LEPR: variants seen among roughly 807,000 people sequenced by gnomAD.
LEPR encodes the protein OB receptor.
In LEPR, 56 loss-of-function variants were observed where a neutral mutation model predicts 114.7. The observed-to-expected ratio is 0.49, with a 90% CI of 0.39 to 0.61. The LOEUF (loss-of-function observed/expected upper bound fraction) is 0.61, where lower values mean the gene tolerates loss of function less well. Ranked by LOEUF, LEPR falls within the 20% of genes least tolerant of loss-of-function variation. LEPR has a pLI of 0.00. For synonymous variants in LEPR, 443 were observed against 461.4 expected, an observed-to-expected ratio of 0.96 and a Z score of 0.51; for missense variants, 1,202 against 1,352.9, an observed-to-expected ratio of 0.89 and a Z score of 1.75.
chr1:65,575,887 T>G (rs1405285935), intron 5 of LEPR, among the ~76,000 whole-genome samples: 1 of 151,476 alleles, frequency 6.6e-6, no homozygotes, highest in Non-Finnish European at 1.5e-5. Flanking sequence ...CCTCAGTGCC[T>G]TGGTGAAACA....
chr1:65,515,966 T>C (rs1283562633), intron 2 of LEPR, among the ~76,000 whole-genome samples: 1 of 152,250 alleles, frequency 6.6e-6, no homozygotes, highest in Non-Finnish European at 1.5e-5. Context: ...GATTTGTTGT[T>C]CAATTTCCTT....
At chr1:65,427,021 G>A (rs1188558516) in intron 2 of LEPR, among the ~76,000 whole-genome samples, 1 of 151,244 alleles carries the variant, frequency 6.6e-6, no homozygotes, top group Non-Finnish European at 1.5e-5. Context: ...AGATGATGAT[G>A]ATGTGGTTAA....
intron 2 of LEPR, among the ~76,000 whole-genome samples, chr1:65,426,321 G>GTT (rs944856885): frequency 2.2e-4 from 32 of 144,622 alleles, no homozygotes; most frequent in Admixed American, 1.5e-3. Context: ...CAAAAGAAGG[G>GTT]TTAGTCAAGA....
intron 2 of LEPR, chr1:65,526,466 C>T (rs1251274708): frequency 1.0e-6 from 1 of 957,428 alleles, no homozygotes; most frequent in East Asian, 1.1e-4. Context: ...AAAACTGGTT[C>T]TTTCTGGTGT....
intron 19 of LEPR, chr1:65,634,483 T>A (rs1658644288): frequency 1.1e-6 from 1 of 944,600 alleles, no homozygotes; most frequent in Non-Finnish European, 1.3e-6. Context: ...TAAATGGATA[T>A]ACTTTTAATA....
intron 5 of LEPR, among the ~76,000 whole-genome samples, chr1:65,581,483 C>A (rs1220663623): frequency 2.7e-5 from 4 of 150,302 alleles, no homozygotes; most frequent in African/African-American, 9.8e-5. Flanking sequence ...CTGTCTCTGT[C>A]TCTTTCTGTC....
At position 65,605,103 on chromosome 1, in the gene LEPR, T is replaced by C; in HGVS notation, c.1469T>C (p.Leu490Ser). 1 of 1,614,140 alleles carries C rather than the reference T, an allele frequency of 6.2e-7. No homozygotes were observed. The highest frequency in any genetic ancestry group is 8.5e-7 in the Non-Finnish European group (1 of 1,180,032). ...HPISEPKDCYLQSDGFYECIF... is the reference protein window; with the variant it reads ...HPISEPKDCYSQSDGFYECIF... ...ATATCTGAGCCCAAAGATTGCTATTTGCAGAGTGATGGTTTTTATGAATGC... is the reference window on the plus strand; with the variant it reads ...ATATCTGAGCCCAAAGATTGCTATTCGCAGAGTGATGGTTTTTATGAATGC... The change falls in exon 11 of 20, where the codon TTG becomes TCG. Residue 490 changes from leucine to serine, a missense_variant. Transcript: ENST00000349533.
At chr1:65,629,085 A>G (rs1161153407) in intron 19 of LEPR, among the ~76,000 whole-genome samples, 1 of 152,024 alleles carries the variant, frequency 6.6e-6, no homozygotes, top group East Asian at 1.9e-4. Flanking sequence ...ACTCCCACAC[A>G]TTATTCCCTC....
At chr1:65,579,132 GC>G (rs1654802948) in intron 5 of LEPR, among the ~76,000 whole-genome samples, 1 of 152,190 alleles carries the variant, frequency 6.6e-6, no homozygotes, top group African/African-American at 2.4e-5. Context: ...CAGTGTTTCA[GC>G]CTTGTATGAT....
At chr1:65,566,595 T>C (rs758637205) in intron 3 of LEPR, among the ~76,000 whole-genome samples, 1 of 152,238 alleles carries the variant, frequency 6.6e-6, no homozygotes, top group Non-Finnish European at 1.5e-5. Context: ...TCATCTAAGT[T>C]AGATTGTGTT....
chr1:65,425,010 C>T (rs1480458556), intron 1 of LEPR, among the ~76,000 whole-genome samples: 2 of 152,128 alleles, frequency 1.3e-5, no homozygotes, highest in Non-Finnish European at 2.9e-5. Context: ...GAGTAAATTG[C>T]TACATTTGCT....
intron 2 of LEPR, among the ~76,000 whole-genome samples, chr1:65,552,382 G>A (rs1652453874): frequency 6.6e-6 from 1 of 152,134 alleles, no homozygotes; most frequent in South Asian, 2.1e-4. Flanking sequence ...TTATGAGTCT[G>A]GGTGCTCCTG....
At chr1:65,477,128 G>C in intron 2 of LEPR, among the ~76,000 whole-genome samples, 1 of 151,990 alleles carries the variant, frequency 6.6e-6, no homozygotes, top group East Asian at 1.9e-4. Context: ...TTTAGGATAG[G>C]TATCACCTTA....
chr1:65,525,690 C>T, intron 2 of LEPR: 10 of 985,614 alleles, frequency 1.0e-5, no homozygotes, highest in Non-Finnish European at 1.2e-5. Flanking sequence ...TTGCCCCGCA[C>T]CTTGGGCGAG....
At chr1:65,549,978 C>T (rs1049038298) in intron 2 of LEPR, among the ~76,000 whole-genome samples, 7 of 152,132 alleles carry the variant, frequency 4.6e-5, no homozygotes, top group African/African-American at 1.7e-4. Flanking sequence ...TGGTGATGTA[C>T]AGATTGGTTT....
At chr1:65,431,065 T>A (rs990822161) in intron 2 of LEPR, among the ~76,000 whole-genome samples, 1 of 152,180 alleles carries the variant, frequency 6.6e-6, no homozygotes, top group African/African-American at 2.4e-5. Context: ...TTAGCAATGG[T>A]CTTGAACCCC....
intron 2 of LEPR, among the ~76,000 whole-genome samples, chr1:65,552,693 T>C (rs1652493638): frequency 1.3e-5 from 2 of 152,338 alleles, no homozygotes; most frequent in South Asian, 4.1e-4. Flanking sequence ...TGTCTTTTAA[T>C]TGGGGCATTT....
At chr1:65,526,348 C>A (rs1246265616) in intron 2 of LEPR, 1 of 985,278 alleles carries the variant, frequency 1.0e-6, no homozygotes, top group African/African-American at 1.7e-5. Flanking sequence ...AGCAGCAAAA[C>A]CCCAAACCCA....
At chr1:65,457,504 C>T (rs1240086262) in intron 2 of LEPR, among the ~76,000 whole-genome samples, 1 of 152,164 alleles carries the variant, frequency 6.6e-6, no homozygotes, top group Admixed American at 6.5e-5. Context: ...AGCCATTCTT[C>T]ATGTCTATTA....
Sources: allele counts gnomAD v4.1 joint callset (sites outside exome capture counted in the v4.1 genomes callset), GRCh38; gene constraint gnomAD v4.1.1; transcripts MANE v1.5; gene names NCBI Gene and HGNC (gene_info 2026-07-23, HGNC 2026-07-21).